The following ADAMTS5 variants were observed in gnomAD, a reference collection of about 807,000 sequenced individuals.
The protein encoded by ADAMTS5 is A disintegrin and metalloproteinase with thrombospondin motifs 5.
A neutral mutation model predicts 81.4 loss-of-function variants in ADAMTS5; 54 were observed. That is an observed-to-expected ratio of 0.66 (90% CI 0.53 to 0.83). ADAMTS5 has a LOEUF of 0.83. ADAMTS5 is among the 40% of genes least tolerant of loss of function. ADAMTS5 has a pLI of 0.00. For synonymous variants in ADAMTS5, 532 were observed against 508.8 expected (o/e 1.05, Z -0.61); for missense variants, 1,194 against 1,229.9 (o/e 0.97, Z 0.44).
chr21:26,940,591 T>C (rs1399903047), intron 3 of ADAMTS5, among the ~76,000 whole-genome samples: 1 of 152,140 alleles, frequency 6.6e-6, no homozygotes, highest in African/African-American at 2.4e-5. Context: ...GACTATTTTA[T>C]TGCTTAAAAA....
At chr21:26,940,317 G>A (rs559808855) in intron 3 of ADAMTS5, among the ~76,000 whole-genome samples, 28 of 152,082 alleles carry the variant, frequency 1.8e-4, no homozygotes, top group Non-Finnish European at 3.5e-4. Context: ...TTGCTTTTCT[G>A]CCTTTATACT....
intron 4 of ADAMTS5, among the ~76,000 whole-genome samples, chr21:26,933,693 A>T (rs145710565): frequency 7.7e-4 from 117 of 152,366 alleles, no homozygotes; most frequent in African/African-American, 2.7e-3. Flanking sequence ...CTCTGGAAAC[A>T]TTCCTGGAGG....
At chr21:26,929,053 A>G (rs979043119) in intron 7 of ADAMTS5, among the ~76,000 whole-genome samples, 3 of 152,202 alleles carry the variant, frequency 2.0e-5, no homozygotes, top group Admixed American at 2.0e-4. Flanking sequence ...TCAGCCATAT[A>G]TTTTCAAATC....
intron 7 of ADAMTS5, 58 bp downstream of exon 7, chr21:26,929,828 C>T (rs229091): frequency 0.32 from 483,732 of 1,530,168 alleles, 81,999 homozygotes; most frequent in Non-Finnish European, 0.35. Flanking sequence ...TTTATCAATT[C>T]TGCAAGAGTC....
At chr21:26,954,130 T>C (rs951005143) in intron 2 of ADAMTS5, 1 of 152,080 alleles carries the variant, frequency 6.6e-6, no homozygotes. Flanking sequence ...TTTTTAGCAA[T>C]CAACTCAGTC....
intron 3 of ADAMTS5, among the ~76,000 whole-genome samples, chr21:26,942,222 A>T (rs1045673922): frequency 6.6e-6 from 1 of 152,082 alleles, no homozygotes; most frequent in African/African-American, 2.4e-5. Context: ...GAATTTCTTT[A>T]AGTCTGAAAT....
rs368181942 is a variant in ADAMTS5, at chr21:26,965,712, T to A, written c.680A>T (p.Asn227Ile). 479 of 1,585,908 alleles carry A rather than the reference T, an allele frequency of 3.0e-4. No individual in the cohort carries two copies. Among genetic ancestry groups the A allele is most frequent in the Admixed American group, 3.9e-4 (22 of 56,548 alleles). The change falls in exon 1 of 8, where the codon AAC becomes ATC. Residue 227 changes from asparagine to isoleucine, a missense_variant. Physicochemically the swap from Asn to Ile is moderately radical, Grantham distance 149. Transcript: ENST00000284987. ...GGCCAGTGCTGCGCGTCCGCTCGGG[T>A]TGCTGTGCGCCGGAGCATGCTCGTG... Reference protein sequence around the residue: ...EAHEHAPAHSNPSGRAALASQ... With the variant: ...EAHEHAPAHSIPSGRAALASQ...
intron 2 of ADAMTS5, among the ~76,000 whole-genome samples, chr21:26,947,700 G>T (rs533069280): frequency 6.6e-6 from 1 of 152,260 alleles, no homozygotes; most frequent in Non-Finnish European, 1.5e-5. Context: ...CTCCCAAAGT[G>T]CTGGGATTAC....
intron 1 of ADAMTS5, among the ~76,000 whole-genome samples, chr21:26,959,736 A>C (rs1271570669): frequency 6.6e-6 from 1 of 152,182 alleles, no homozygotes; most frequent in African/African-American, 2.4e-5. Flanking sequence ...TGGTGACATC[A>C]TTAACTCGCC....
Position 26,924,387 on chromosome 21 carries a change from C to A in ADAMTS5, c.2459G>T (p.Gly820Val). 1 of 1,614,038 alleles carries A rather than the reference C, an allele frequency of 6.2e-7. No homozygotes were observed. Among genetic ancestry groups the A allele is most frequent in the Non-Finnish European group, 8.5e-7 (1 of 1,179,896 alleles). Residue 820 changes from glycine to valine, a missense_variant, in exon 8 of 8, where the codon GGC (glycine) becomes GTC (valine). Transcript: ENST00000284987. ...TTCCTTCGTGGCAGAGTAGCCCATG[C>A]CATGCAGGAAGTCATCCCTGTGGCT... Reference protein sequence around the residue: ...GWSHRDDFLHGMGYSATKEIL... With the variant: ...GWSHRDDFLHVMGYSATKEIL...
At chr21:26,948,686 G>A (rs151090652) in intron 2 of ADAMTS5, among the ~76,000 whole-genome samples, 3 of 152,290 alleles carry the variant, frequency 2.0e-5, no homozygotes, top group African/African-American at 7.2e-5. Context: ...AATGGTAAAT[G>A]TGGTATCAAT....
chr21:26,959,077 G>T lies in ADAMTS5; in HGVS notation c.1105-4206C>A, dbSNP rs527879358. ...TGGGCCCAGAGTTCCAAGTCAGGAAGCTTTCTCTGACAAATGTGAGGTAAG... is the reference window on the plus strand; with the variant it reads ...TGGGCCCAGAGTTCCAAGTCAGGAATCTTTCTCTGACAAATGTGAGGTAAG... On this transcript the variant is annotated intron_variant, in intron 1 of 7. Coordinates refer to ENST00000284987, the MANE Select transcript of ADAMTS5 (RefSeq NM_007038.5). Among the ~76,000 whole-genome samples, 118 of 152,318 alleles carry T rather than the reference G, an allele frequency of 7.7e-4. 1 individual carries two copies. Among genetic ancestry groups the T allele is most frequent in the Non-Finnish European group, 8.7e-4 (59 of 68,026 alleles).
At chr21:26,933,145 G>GT in intron 4 of ADAMTS5, 101 bp from the exon 5 acceptor site, 1 of 1,233,390 alleles carries the variant, frequency 8.1e-7, no homozygotes, top group Non-Finnish European at 1.1e-6. Flanking sequence ...TGGAAACTTT[G>GT]TCACAGATAC....
At chr21:26,933,162 A>G in intron 4 of ADAMTS5, 118 bp from the exon 5 acceptor site, 2 of 1,045,846 alleles carry the variant, frequency 1.9e-6, no homozygotes, top group Non-Finnish European at 1.4e-6. Flanking sequence ...ATACAGTTAT[A>G]TTTTCACTGA....
At chr21:26,962,331 A>C (rs1732690346) in intron 1 of ADAMTS5, among the ~76,000 whole-genome samples, 1 of 152,202 alleles carries the variant, frequency 6.6e-6, no homozygotes, top group Non-Finnish European at 1.5e-5. Context: ...TTGGATTTCT[A>C]CTGTTTGATG....
At chr21:26,965,031 C>T (rs529675412) in intron 1 of ADAMTS5, among the ~76,000 whole-genome samples, 26 of 152,178 alleles carry the variant, frequency 1.7e-4, no homozygotes, top group Admixed American at 3.3e-4. Flanking sequence ...GCCACAACAC[C>T]TCAGACTAGA....
intron 2 of ADAMTS5, 80 bp from the exon 3 acceptor site, chr21:26,943,627 G>T: frequency 7.4e-7 from 1 of 1,353,202 alleles, no homozygotes; most frequent in South Asian, 1.5e-5. Context: ...GCTAGGGCTT[G>T]ATTTTTTTCC....
chr21:26,966,483 C>G lies in ADAMTS5; in HGVS notation c.-92G>C. The G allele has an allele frequency of 7.8e-7, 1 of 1,290,190 alleles. No individual in the cohort carries two copies. Among genetic ancestry groups the G allele is most frequent in the South Asian group, 1.8e-5 (1 of 54,468 alleles). The allele number at this position is 1,290,190 out of a possible 1,614,324, so 79.9% of individuals were successfully genotyped here. A position where few individuals can be genotyped will look rare whatever the true frequency, so the allele number is the denominator to read the frequency against. ...GTTAACGGGGCGGGGGATGGGGACA[C>G]ACACACACTTGCTTGCAGGATTGAG... is the stretch of plus-strand genomic sequence containing the variant. On this transcript the variant is annotated 5_prime_UTR_variant, in exon 1 of 8. Coordinates refer to ENST00000284987, the MANE Select transcript of ADAMTS5 (RefSeq NM_007038.5).
chr21:26,923,756 G>A lies in ADAMTS5; in HGVS notation c.*297C>T. The stretch of plus-strand genomic sequence containing the variant: ...TCTATCAGAGGTAGGTGACAAGGGG[G>A]AGACAGTTCTGCCATCTTCAAATGT... On this transcript the variant is annotated 3_prime_UTR_variant, in exon 8 of 8. Coordinates refer to ENST00000284987, the MANE Select transcript of ADAMTS5 (RefSeq NM_007038.5). 3.2e-6 allele frequency: 1 copy of A among 307,754 alleles called. No homozygotes were observed. Among genetic ancestry groups the A allele is most frequent in the Non-Finnish European group, 6.1e-6 (1 of 164,230 alleles). The allele number at this position is 307,754 out of a possible 1,614,324, so 19.1% of individuals were successfully genotyped here.
Sources: gnomAD v4.1 joint callset for allele counts (sites outside exome capture counted in the v4.1 genomes callset) on GRCh38, gnomAD v4.1.1 for gene constraint, MANE v1.5 for transcripts, NCBI Gene and HGNC (gene_info 2026-07-23, HGNC 2026-07-21) for gene names.